FRMPD1: variants seen among roughly 807,000 people sequenced by gnomAD.
FRMPD1 encodes FERM and PDZ domain-containing protein 1.
A neutral mutation model predicts 117.8 loss-of-function variants in FRMPD1; 76 were observed. That is an observed-to-expected ratio of 0.65 (90% CI 0.54 to 0.78). The LOEUF is 0.78. Among genes scored for constraint, FRMPD1 ranks in the 30% least tolerant of loss-of-function variants. The pLI is 0.00. For synonymous variants in FRMPD1, 783 were observed against 770.4 expected (o/e 1.02, Z -0.27); for missense variants, 1,786 against 1,964.5 (o/e 0.91, Z 1.72).
intron 5 of FRMPD1, among the ~76,000 whole-genome samples, chr9:37,718,663 A>G (rs1823257200): frequency 6.6e-6 from 1 of 152,220 alleles, no homozygotes; most frequent in Non-Finnish European, 1.5e-5. Flanking sequence ...AGCGGCAAGG[A>G]CTGGACCAAA....
At chr9:37,731,979 TG>T (rs1459341203) in intron 9 of FRMPD1, among the ~76,000 whole-genome samples, 1 of 152,064 alleles carries the variant, frequency 6.6e-6, no homozygotes, top group Admixed American at 6.6e-5. Context: ...CTTACAGAAA[TG>T]GTGGCAGAAA....
chr9:37,724,983 G>C (rs972030408), intron 7 of FRMPD1, among the ~76,000 whole-genome samples: 4 of 152,204 alleles, frequency 2.6e-5, no homozygotes, highest in Non-Finnish European at 5.9e-5. Context: ...CTGAGCTTTG[G>C]AGGATAACTA....
Position 37,745,154 on chromosome 9 carries a change from C to T in FRMPD1, c.3122C>T (p.Thr1041Ile). ...CTAAATAATGTCTCTCAAGGAGACA[C>T]ACTAGAGCTCCAGTTGGAGCCCCAT... The part of the protein sequence containing the change: ...PGLNNVSQGD[T>I]LELQLEPHVQ... Residue 1041 changes from threonine to isoleucine, a missense_variant, in exon 16 of 16, where the codon ACA (threonine) becomes ATA (isoleucine). Coordinates refer to ENST00000377765, the MANE Select transcript of FRMPD1 (RefSeq NM_014907.3). 4 of 1,614,104 alleles carry T rather than the reference C, an allele frequency of 2.5e-6. No homozygotes were observed. The highest frequency in any genetic ancestry group is 3.4e-6 in the Non-Finnish European group (4 of 1,180,010).
At chr9:37,734,742 A>C (rs1219517964) in intron 12 of FRMPD1, among the ~76,000 whole-genome samples, 1 of 152,042 alleles carries the variant, frequency 6.6e-6, no homozygotes, top group African/African-American at 2.4e-5. Flanking sequence ...GAAGAGCATC[A>C]GATAGTTAGG....
At position 37,707,459 on chromosome 9, in the gene FRMPD1, C is replaced by A. The variant is rs1270019469; in HGVS notation, c.145C>A (p.Gln49Lys). ...AADGPARNPT[Q>K]TLIPVRHTVK... ...TGATGGGCCCGCCAGGAACCCAACT[C>A]AGACCCTCATCCCTGTGCGACACAC... The change falls in exon 3 of 16, where the codon CAG becomes AAG. Residue 49 changes from glutamine to lysine, a missense_variant. Coordinates refer to ENST00000377765, the MANE Select transcript of FRMPD1 (RefSeq NM_014907.3). 1 of 1,614,018 alleles carries A rather than the reference C, an allele frequency of 6.2e-7. No individual in the cohort carries two copies. The highest frequency in any genetic ancestry group is 8.5e-7 in the Non-Finnish European group (1 of 1,179,932).
upstream of FRMPD1, among the ~76,000 whole-genome samples, chr9:37,650,442 G>C (rs1206499448): frequency 6.6e-6 from 1 of 152,070 alleles, no homozygotes; most frequent in East Asian, 1.9e-4. Flanking sequence ...AGAGACAGGG[G>C]AGGTGGTCCA....
chr9:37,677,984 A>G (rs1372554204), intron 1 of FRMPD1, among the ~76,000 whole-genome samples: 1 of 152,096 alleles, frequency 6.6e-6, no homozygotes, highest in Non-Finnish European at 1.5e-5. Flanking sequence ...ATGATCATTG[A>G]GTGTTTCTTG....
chr9:37,710,810 T>C (rs1177441604), intron 4 of FRMPD1, among the ~76,000 whole-genome samples: 1 of 151,886 alleles, frequency 6.6e-6, no homozygotes, highest in African/African-American at 2.4e-5. Flanking sequence ...ACTAAAAAAT[T>C]AGCTGGGTGT....
At chr9:37,606,156 ACT>A in the FRMPD1 span, among the ~76,000 whole-genome samples, 1 of 152,088 alleles carries the variant, frequency 6.6e-6, no homozygotes, top group Non-Finnish European at 1.5e-5. Context: ...CTGCAACAGG[ACT>A]CTGTAATTAA....
intron 1 of FRMPD1, among the ~76,000 whole-genome samples, chr9:37,689,054 G>GACTA (rs1355074600): frequency 6.6e-6 from 1 of 151,960 alleles, no homozygotes; most frequent in Non-Finnish European, 1.5e-5. Context: ...TCTCTTCTTA[G>GACTA]AAGCTCTTTC....
upstream of FRMPD1, among the ~76,000 whole-genome samples, chr9:37,650,825 C>T (rs1458915456): frequency 6.7e-6 from 1 of 149,120 alleles, no homozygotes; most frequent in Admixed American, 6.7e-5. Context: ...CGGGGCTCCT[C>T]CCCCGGGGCG....
chr9:37,669,301 T>C (rs1216206699), intron 1 of FRMPD1, among the ~76,000 whole-genome samples: 1 of 152,236 alleles, frequency 6.6e-6, no homozygotes, highest in East Asian at 1.9e-4. Context: ...ATTCCTTTGA[T>C]GGTCTGCATT....
At chr9:37,660,234 A>G (rs1294855596) in intron 1 of FRMPD1, among the ~76,000 whole-genome samples, 1 of 152,162 alleles carries the variant, frequency 6.6e-6, no homozygotes, top group East Asian at 1.9e-4. Flanking sequence ...GAAGTAAGTC[A>G]GTGCTGGGCA....
the FRMPD1 span, among the ~76,000 whole-genome samples, chr9:37,645,367 G>A: frequency 6.6e-6 from 1 of 152,078 alleles, no homozygotes; most frequent in East Asian, 1.9e-4. Flanking sequence ...CATTACATTA[G>A]CAATAGATTC....
chr9:37,671,039 C>A (rs1020509726), intron 1 of FRMPD1, among the ~76,000 whole-genome samples: 46 of 152,262 alleles, frequency 3.0e-4, no homozygotes, highest in Non-Finnish European at 5.7e-4. Flanking sequence ...TCCTTCTTTT[C>A]TTTTGAACAT....
the FRMPD1 span, among the ~76,000 whole-genome samples, chr9:37,637,629 C>T: frequency 6.6e-6 from 1 of 152,192 alleles, no homozygotes; most frequent in Non-Finnish European, 1.5e-5. Context: ...GAGTATGTAG[C>T]TTTTGAGTCT....
the FRMPD1 span, among the ~76,000 whole-genome samples, chr9:37,631,235 T>TA: frequency 3.3e-5 from 5 of 151,942 alleles, no homozygotes; most frequent in Admixed American, 3.3e-4. Flanking sequence ...AATAACAAAC[T>TA]AAAAAATAAT....
At chr9:37,633,125 C>A in the FRMPD1 span, among the ~76,000 whole-genome samples, 1 of 151,892 alleles carries the variant, frequency 6.6e-6, no homozygotes, top group Admixed American at 6.6e-5. Flanking sequence ...ACTGCAACCT[C>A]TGCTCCCAGG....
At chr9:37,716,496 C>T (rs10124071) in intron 5 of FRMPD1, among the ~76,000 whole-genome samples, 76,167 of 152,020 alleles carry the variant, frequency 0.5, 19,551 homozygotes, top group East Asian at 0.89. Flanking sequence ...CTAAGTCTAC[C>T]CCAGTTCCTT....
Sources: gnomAD v4.1 joint callset for allele counts (sites outside exome capture counted in the v4.1 genomes callset) on GRCh38, gnomAD v4.1.1 for gene constraint, MANE v1.5 for transcripts, NCBI Gene and HGNC (gene_info 2026-07-23, HGNC 2026-07-21) for gene names.